The following PTPRD variants were observed in gnomAD, a reference collection of about 807,000 sequenced individuals.
The protein encoded by PTPRD is protein tyrosine phosphatase receptor type D, also known as receptor-type tyrosine-protein phosphatase delta.
Under a neutral mutation model 214.5 loss-of-function variants are expected in PTPRD, and 34 were observed. The ratio of observed to expected loss-of-function variants is 0.16; its 90% CI spans 0.12 to 0.21. PTPRD has a LOEUF of 0.21. Ranked by LOEUF, PTPRD falls within the 10% of genes least tolerant of loss-of-function variation. The pLI, the probability that PTPRD is intolerant of heterozygous loss-of-function variation, is 1.00. For missense variants in PTPRD, 2,545 were observed against 2,398.7 expected, an observed-to-expected ratio of 1.06 and a Z score of -1.27; for synonymous variants, 1,128 against 845.7, an observed-to-expected ratio of 1.33 and a Z score of -5.79.
chr9:8,542,892 G>T (rs2078847950), intron 14 of PTPRD, among the ~76,000 whole-genome samples: 1 of 152,182 alleles, frequency 6.6e-6, no homozygotes, highest in South Asian at 2.1e-4. Context: ...ATTTGCATCA[G>T]TTTTCTCCAC....
At chr9:10,131,744 G>C (rs2098888210) in intron 3 of PTPRD, among the ~76,000 whole-genome samples, 2 of 152,064 alleles carry the variant, frequency 1.3e-5, no homozygotes, top group Non-Finnish European at 2.9e-5. Context: ...AGTAATGGTA[G>C]AAAGTCATGG....
At chr9:8,854,945 T>C (rs760821650) in intron 11 of PTPRD, among the ~76,000 whole-genome samples, 3 of 152,188 alleles carry the variant, frequency 2.0e-5, no homozygotes, top group Non-Finnish European at 2.9e-5. Flanking sequence ...GAATCACATA[T>C]GAATTTGCAC....
intron 2 of PTPRD, among the ~76,000 whole-genome samples, chr9:10,436,118 C>T (rs1340429086): frequency 6.6e-6 from 1 of 151,730 alleles, no homozygotes; most frequent in African/African-American, 2.4e-5. Flanking sequence ...ATAACACCCT[C>T]AATAAACTGC....
chr9:10,312,847 T>G (rs1311907930), intron 3 of PTPRD, among the ~76,000 whole-genome samples: 1 of 151,964 alleles, frequency 6.6e-6, no homozygotes, highest in South Asian at 2.1e-4. Flanking sequence ...ATGTGAAAGT[T>G]TGAAATGTAA....
intron 9 of PTPRD, among the ~76,000 whole-genome samples, chr9:9,290,408 C>A (rs368787159): frequency 6.6e-6 from 1 of 151,470 alleles, no homozygotes; most frequent in Admixed American, 6.6e-5. Context: ...TTGTATGTTG[C>A]CTTTTTATGT....
chr9:9,431,502 C>T (rs958463608), intron 8 of PTPRD, among the ~76,000 whole-genome samples: 2 of 152,200 alleles, frequency 1.3e-5, no homozygotes, highest in Non-Finnish European at 1.5e-5. Flanking sequence ...GTGGCAATTC[C>T]TCGAGGATCT....
At chr9:8,507,561 C>T in intron 21 of PTPRD, 127 bp from the exon 22 acceptor site, 1 of 1,111,770 alleles carries the variant, frequency 9.0e-7, no homozygotes. Context: ...GGAAAACAAG[C>T]TCCTTTACCT....
intron 2 of PTPRD, among the ~76,000 whole-genome samples, chr9:10,440,099 G>T (rs1224386846): frequency 6.6e-6 from 1 of 151,190 alleles, no homozygotes; most frequent in African/African-American, 2.4e-5. Flanking sequence ...TTACATAAAT[G>T]GTTAAAAAAT....
intron 2 of PTPRD, among the ~76,000 whole-genome samples, chr9:10,517,845 T>C (rs1356995915): frequency 6.6e-6 from 1 of 152,132 alleles, no homozygotes; most frequent in Non-Finnish European, 1.5e-5. Flanking sequence ...CCTTTTGAAT[T>C]TAAAATGTGT....
chr9:10,110,728 T>C (rs368238792), intron 3 of PTPRD, among the ~76,000 whole-genome samples: 248 of 152,310 alleles, frequency 1.6e-3, no homozygotes, highest in Middle Eastern at 6.8e-3. Flanking sequence ...AAAATTATTG[T>C]GGGAAAGTCA....
chr9:9,055,798 T>C (rs1204860471), intron 10 of PTPRD, among the ~76,000 whole-genome samples: 2 of 149,702 alleles, frequency 1.3e-5, no homozygotes, highest in Non-Finnish European at 3.0e-5. Context: ...ATATATTTTA[T>C]ATTTAACTAG....
chr9:10,044,077 A>C (rs747395196), intron 3 of PTPRD, among the ~76,000 whole-genome samples: 1 of 151,692 alleles, frequency 6.6e-6, no homozygotes, highest in Admixed American at 6.6e-5. Context: ...AATGTCATGA[A>C]AGATACCAGG....
chr9:8,988,522 G>C (rs1417170489), intron 11 of PTPRD, among the ~76,000 whole-genome samples: 1 of 152,032 alleles, frequency 6.6e-6, no homozygotes, highest in African/African-American at 2.4e-5. Flanking sequence ...AACTTTATTT[G>C]TTGATGTGAC....
chr9:8,417,962 C>G lies in PTPRD; in HGVS notation c.4087-13302G>C, dbSNP rs367546599. On this transcript the variant is annotated intron_variant, in intron 35 of 45. Transcript: ENST00000381196. ...TTTGTTTTTGAATGCCTATTGCACT[C>G]TGTGTCTACATTTGACTTATTTTGT... is the stretch of plus-strand genomic sequence containing the variant. 1.0e-3 allele frequency among the ~76,000 whole-genome samples: 159 copies of G among 152,244 alleles called. No homozygotes were observed. The South Asian group carries it at 0.023, about 22-fold the overall frequency.
At chr9:8,947,001 T>C (rs2099068991) in intron 11 of PTPRD, among the ~76,000 whole-genome samples, 1 of 146,594 alleles carries the variant, frequency 6.8e-6, no homozygotes, top group Admixed American at 7.0e-5. Flanking sequence ...GCTTTCTATC[T>C]CTGTCTCTCT....
intron 9 of PTPRD, among the ~76,000 whole-genome samples, chr9:9,208,473 A>G (rs987724078): frequency 1.3e-5 from 2 of 152,060 alleles, no homozygotes; most frequent in East Asian, 1.9e-4. Context: ...GGATAAGATA[A>G]ATATTTGATA....
intron 3 of PTPRD, among the ~76,000 whole-genome samples, chr9:10,094,539 C>CTTT (rs5896370): frequency 5.3e-4 from 64 of 120,996 alleles, no homozygotes; most frequent in East Asian, 1.2e-3. Flanking sequence ...TTCTTTCTTT[C>CTTT]TTTTTTTTTT....
At chr9:10,524,881 A>T (rs2053734136) in intron 2 of PTPRD, among the ~76,000 whole-genome samples, 1 of 152,018 alleles carries the variant, frequency 6.6e-6, no homozygotes, top group Non-Finnish European at 1.5e-5. Flanking sequence ...GGTGAATTTA[A>T]AAAGATAGGG....
chr9:8,537,532 C>T (rs779152518), intron 14 of PTPRD, among the ~76,000 whole-genome samples: 10 of 151,948 alleles, frequency 6.6e-5, no homozygotes, highest in Non-Finnish European at 1.0e-4. Flanking sequence ...GCTTTTATTT[C>T]AGAGTAGATT....
Sources: allele counts gnomAD v4.1 joint callset (sites outside exome capture counted in the v4.1 genomes callset), GRCh38; gene constraint gnomAD v4.1.1; transcripts MANE v1.5; gene names NCBI Gene and HGNC (gene_info 2026-07-23, HGNC 2026-07-21).